GRIN2D: variants seen among roughly 807,000 people sequenced by gnomAD.
The protein encoded by GRIN2D is glutamate ionotropic receptor NMDA type subunit 2D, also known as glutamate receptor ionotropic, NMDA 2D.
A neutral mutation model predicts 103.2 loss-of-function variants in GRIN2D; 37 were observed. The observed-to-expected ratio is 0.36, with a 90% CI of 0.28 to 0.47. The LOEUF (loss-of-function observed/expected upper bound fraction) is 0.47. Ranked by LOEUF, GRIN2D falls within the 20% of genes least tolerant of loss-of-function variation. The pLI is 1.00. For missense variants in GRIN2D, 1,557 were observed against 1,910.6 expected, an observed-to-expected ratio of 0.81 and a Z score of 3.45; for synonymous variants, 845 against 885.6, an observed-to-expected ratio of 0.95 and a Z score of 0.81.
intron 11 of GRIN2D, among the ~76,000 whole-genome samples, chr19:48,426,966 A>G (rs1005042681): frequency 1.3e-5 from 2 of 152,210 alleles, no homozygotes; most frequent in Admixed American, 1.3e-4. Context: ...TTGTATTCCC[A>G]TAGGTGGAAC....
chr19:48,399,150 G>C (rs957546818), intron 3 of GRIN2D, among the ~76,000 whole-genome samples: 52 of 152,172 alleles, frequency 3.4e-4, no homozygotes, highest in African/African-American at 1.1e-3. Flanking sequence ...TTGCAGGTAA[G>C]GGTCTGTAGT....
intron 11 of GRIN2D, among the ~76,000 whole-genome samples, chr19:48,436,075 C>T (rs1327996450): frequency 3.3e-5 from 5 of 152,128 alleles, no homozygotes; most frequent in African/African-American, 7.2e-5. Flanking sequence ...TCACGTTGCC[C>T]GCTGCCTAGA....
At chr19:48,423,378 A>T (rs1482396103) in intron 11 of GRIN2D, among the ~76,000 whole-genome samples, 2 of 152,190 alleles carry the variant, frequency 1.3e-5, no homozygotes, top group African/African-American at 2.4e-5. Context: ...AATAGACCCG[A>T]TTCCTAGGTC....
chr19:48,442,079 C>A lies in GRIN2D; in HGVS notation c.2441-71C>A. The A allele has an allele frequency of 3.3e-6, 5 of 1,527,832 alleles. No individual in the cohort carries two copies. Among genetic ancestry groups the A allele is most frequent in the Non-Finnish European group, 4.5e-6 (5 of 1,111,376 alleles). 94.6% of individuals were successfully genotyped at this position (1,527,832 alleles called of 1,614,324 possible). On this transcript the variant is annotated intron_variant, in intron 12 of 13. Transcript: ENST00000263269. This position sits in a 1 kb window ranked among gnomAD's most constrained non-coding sequence, Gnocchi z 7.2. The stretch of plus-strand genomic sequence containing the variant: ...GAGGGAGGAAGGGGCTAAGGGCCTA[C>A]ATTCCCACATCACAGACAAGGGTCC...
In GRIN2D at chr19:48,419,365, T is replaced by TC. The variant is rs1461091235; in HGVS notation, c.1861+11dup. 3 of 1,591,398 alleles carry TC rather than the reference T, an allele frequency of 1.9e-6. No individual in the cohort carries two copies. The highest frequency in any genetic ancestry group is 1.4e-5 in the African/African-American group (1 of 72,752). ...CAGCCTGGCCACGGGCAAGCGTGAG[T>TC]CCCCCTTCCTCCATCCCCCGCCTCG... is the stretch of plus-strand genomic sequence containing the variant. On this transcript the variant is annotated splice_region_variant and intron_variant, in intron 9 of 13. Coordinates refer to ENST00000263269, the MANE Select transcript of GRIN2D (RefSeq NM_000836.4).
intron 2 of GRIN2D, among the ~76,000 whole-genome samples, chr19:48,397,968 C>T (rs1282369623): frequency 6.6e-6 from 1 of 150,884 alleles, no homozygotes; most frequent in Non-Finnish European, 1.5e-5. Flanking sequence ...GCGTCTCTCC[C>T]TGTTTCACCT....
intron 11 of GRIN2D, among the ~76,000 whole-genome samples, chr19:48,428,956 C>G (rs1440078643): frequency 1.3e-5 from 2 of 152,080 alleles, no homozygotes; most frequent in African/African-American, 4.8e-5. Flanking sequence ...TTCTACAGCC[C>G]AGGTTCTCAC....
Position 48,407,614 on chromosome 19 carries a change from T to G in GRIN2D, c.1085+2261T>G, listed in dbSNP as rs567405790. Among the ~76,000 whole-genome samples, 66 of 152,340 alleles carry G rather than the reference T, an allele frequency of 4.3e-4. No homozygotes were observed. The South Asian group carries it at 0.013, about 31-fold the overall frequency. On this transcript the variant is annotated intron_variant, in intron 4 of 13. Coordinates refer to ENST00000263269, the MANE Select transcript of GRIN2D (RefSeq NM_000836.4). Reference sequence around the variant, plus strand: ...GGGATGAATTGCTCATTGATTCATTTATTGATTGAAACGCCCTTTATTGAA... The same window carrying G: ...GGGATGAATTGCTCATTGATTCATTGATTGATTGAAACGCCCTTTATTGAA...
At chr19:48,406,423 G>A (rs1419578714) in intron 4 of GRIN2D, among the ~76,000 whole-genome samples, 2 of 152,148 alleles carry the variant, frequency 1.3e-5, no homozygotes, top group Non-Finnish European at 2.9e-5. Context: ...GGTAAGTTTG[G>A]TGACAGAACA....
Position 48,405,302 on chromosome 19 carries a change from G to C in GRIN2D, c.1034G>C (p.Gly345Ala). The C allele has an allele frequency of 1.9e-6, 3 of 1,601,788 alleles. No homozygotes were observed. The highest frequency in any genetic ancestry group is 2.5e-6 in the Non-Finnish European group (3 of 1,177,506). The change falls in exon 4 of 14, where the codon GGC (glycine) becomes GCC (alanine). Residue 345 changes from glycine to alanine, a missense_variant. This residue lies in a region of GRIN2D where 490 missense variants were observed against 601.1 expected (regional missense o/e 0.82). Coordinates refer to ENST00000263269, the MANE Select transcript of GRIN2D (RefSeq NM_000836.4). The surrounding 1 kb of genome is among the most constrained non-coding windows in gnomAD (Gnocchi z 5.1). ...LRDYGFLPELGHDCRAQNRTH... is the reference protein window; with the variant it reads ...LRDYGFLPELAHDCRAQNRTH... ...GATTATGGTTTCCTTCCTGAGCTCG[G>C]CCACGACTGTCGCGCCCAGAACCGC... is the stretch of plus-strand genomic sequence containing the variant.
chr19:48,412,461 GAAAGAAAGAA>G (rs1970880671), intron 4 of GRIN2D, among the ~76,000 whole-genome samples: 5 of 149,680 alleles, frequency 3.3e-5, no homozygotes, highest in African/African-American at 1.2e-4. Flanking sequence ...AAGAAAGAAA[GAAAGAAAGAA>G]AGAAAGAAAG....
intron 11 of GRIN2D, among the ~76,000 whole-genome samples, chr19:48,431,196 G>A (rs1971151519): frequency 6.6e-6 from 1 of 152,104 alleles, no homozygotes; most frequent in South Asian, 2.1e-4. Context: ...CGCCATCTTG[G>A]GATCACCTTT....
At chr19:48,401,721 A>C (rs1017653854) in intron 3 of GRIN2D, among the ~76,000 whole-genome samples, 9 of 152,202 alleles carry the variant, frequency 5.9e-5, no homozygotes, top group Admixed American at 4.6e-4. Context: ...GAAGGTTTTC[A>C]ATTGAGAAGG....
chr19:48,398,601 G>C lies in GRIN2D; in HGVS notation c.209G>C (p.Gly70Ala), dbSNP rs1970671133. 4 of 1,235,662 alleles carry C rather than the reference G, an allele frequency of 3.2e-6. No individual in the cohort carries two copies. In the African/African-American group the frequency reaches 6.3e-5, roughly 19 times the overall value. The allele number at this position is 1,235,662 out of a possible 1,614,324, so 76.5% of individuals were successfully genotyped here. Residue 70 changes from glycine (G) to alanine (A), a missense_variant, in exon 3 of 14, where the codon GGC becomes GCC. Coordinates refer to ENST00000263269, the MANE Select transcript of GRIN2D (RefSeq NM_000836.4). ...PAYAAEAARL[G>A]PAVAAAVRSP... ...TACGCGGCCGAGGCGGCACGCCTGG[G>C]CCCGGCCGTGGCGGCGGCGGTGCGC... is the stretch of plus-strand genomic sequence containing the variant.
At chr19:48,430,814 CTTTTTTCT>C (rs1272988021) in intron 11 of GRIN2D, among the ~76,000 whole-genome samples, 27 of 143,766 alleles carry the variant, frequency 1.9e-4, no homozygotes, top group African/African-American at 6.7e-4. Flanking sequence ...TTTCTTTTTT[CTTTTTTCT>C]TTTTTTTTTT....
chr19:48,439,173 C>T (rs1399991633), intron 11 of GRIN2D, among the ~76,000 whole-genome samples: 2 of 149,856 alleles, frequency 1.3e-5, no homozygotes, highest in East Asian at 4.0e-4. Context: ...AGGATTGCTT[C>T]AGCCCAGGAG....
Position 48,405,882 on chromosome 19 carries a change from G to T in GRIN2D, c.1085+529G>T, listed in dbSNP as rs1970786515. ...AGGATTCTCCCACACTGTTACTCTG[G>T]CATCTCTGCATGGTCGAAGTGGGTC... On this transcript the variant is annotated intron_variant, in intron 4 of 13. Coordinates refer to ENST00000263269, the MANE Select transcript of GRIN2D (RefSeq NM_000836.4). This position sits in a 1 kb window ranked among gnomAD's most constrained non-coding sequence, Gnocchi z 5.1. Among the ~76,000 whole-genome samples the T allele has an allele frequency of 6.6e-6, 1 of 152,152 alleles. No individual in the cohort carries two copies. The highest frequency in any genetic ancestry group is 1.9e-4 in the East Asian group (1 of 5,206).
Position 48,398,737 on chromosome 19 carries a change from G to A in GRIN2D, c.345G>A (p.Val115=), listed in dbSNP as rs1228806178. The A allele has an allele frequency of 2.7e-6, 4 of 1,467,126 alleles. No individual in the cohort carries two copies. Among genetic ancestry groups the A allele is most frequent in the Non-Finnish European group, 3.6e-6 (4 of 1,115,578 alleles). The allele number at this position is 1,467,126 out of a possible 1,614,324, so 90.9% of individuals were successfully genotyped here. Residue 115 remains valine, a synonymous_variant, in exon 3 of 14, where the codon GTG becomes GTA. Coordinates refer to ENST00000263269, the MANE Select transcript of GRIN2D (RefSeq NM_000836.4). Reference sequence around the variant, plus strand: ...TGTCGGGGTTGCGCGTGCACGGCGTGGTCTTCGAAGACGACTCGCGCGCGC... The same window carrying A: ...TGTCGGGGTTGCGCGTGCACGGCGTAGTCTTCGAAGACGACTCGCGCGCGC... ...DLLSGLRVHG[V]VFEDDSRAPA... is the part of the protein sequence containing the mutation.
chr19:48,414,679 A>T lies in GRIN2D; in HGVS notation c.1412+95A>T. 7.7e-7 allele frequency: 1 copy of T among 1,304,022 alleles called. No individual in the cohort carries two copies. The highest frequency in any genetic ancestry group is 1.1e-6 in the Non-Finnish European group (1 of 939,976). 80.8% of individuals were successfully genotyped at this position (1,304,022 alleles called of 1,614,324 possible). On this transcript the variant is annotated intron_variant, in intron 6 of 13. Transcript: ENST00000263269. The surrounding 1 kb of genome is among the most constrained non-coding windows in gnomAD (Gnocchi z 4.6). ...CCAGCCCCCTCCTCCCTTGGGACCCAGGACCCACAAAGCCCTCCAGCTTGG... is the reference window on the plus strand; with the variant it reads ...CCAGCCCCCTCCTCCCTTGGGACCCTGGACCCACAAAGCCCTCCAGCTTGG...
Sources: gnomAD v4.1 joint callset for allele counts (sites outside exome capture counted in the v4.1 genomes callset) on GRCh38, gnomAD v4.1.1 for gene constraint, gnomAD v4.1.1 regional missense constraint, Gnocchi (gnomAD v3.1) non-coding constraint, MANE v1.5 for transcripts, NCBI Gene and HGNC (gene_info 2026-07-23, HGNC 2026-07-21) for gene names.